H2BC12: variants seen among roughly 807,000 people sequenced by gnomAD.
H2BC12 encodes the protein H2B clustered histone 12.
A neutral mutation model predicts 6.3 loss-of-function variants in H2BC12; 6 were observed. The observed-to-expected ratio is 0.95, with a 90% CI of 0.52 to 1.87. The LOEUF (loss-of-function observed/expected upper bound fraction) is 1.87. Among genes scored for constraint, H2BC12 ranks in the 40% most tolerant of loss-of-function variants. The probability of loss-of-function intolerance (pLI) is 0.01; values close to 1 mark genes in which losing one functional copy is unlikely to be tolerated. For missense variants in H2BC12, 119 were observed against 178.4 expected (o/e 0.67, Z 1.90); for synonymous variants, 132 against 78.5 (o/e 1.68, Z -3.60).
downstream of H2BC12, chr6:27,146,290 C>T: frequency 1.4e-6 from 2 of 1,458,176 alleles, no homozygotes; most frequent in Non-Finnish European, 9.3e-7. Flanking sequence ...TCATGATAAT[C>T]CCTTTAAAAA....
downstream of H2BC12, among the ~76,000 whole-genome samples, chr6:27,145,755 C>G (rs1274585217): frequency 6.6e-6 from 1 of 152,172 alleles, no homozygotes; most frequent in Non-Finnish European, 1.5e-5. Context: ...CAAAAATCTC[C>G]GTGATGATTT....
rs1445151744 is a variant in H2BC12, at chr6:27,146,838, G to GA, written c.-41dup. ...ACGAGCCTGAGACGAGCAGCAGATC[G>GA]AGAAAACGGGAAGTAATGGGAGCAA... On this transcript the variant is annotated 5_prime_UTR_variant, in exon 1 of 1. Transcript: ENST00000356950. 6.2e-7 allele frequency: 1 copy of GA among 1,602,266 alleles called. No individual in the cohort carries two copies. The highest frequency in any genetic ancestry group is 2.2e-5 in the East Asian group (1 of 44,834).
the H2BC12 span, chr6:27,139,408 G>T: frequency 3.1e-6 from 5 of 1,614,246 alleles, no homozygotes; most frequent in South Asian, 3.3e-5. Context: ...CACCAAGCCA[G>T]CCATTCGGCG....
At chr6:27,140,418 C>G in the H2BC12 span, among the ~76,000 whole-genome samples, 1,365 of 152,230 alleles carry the variant, frequency 9.0e-3, 21 homozygotes, top group African/African-American at 0.031. Context: ...TACATTTGCT[C>G]TTGAAATATA....
At chr6:27,145,054 G>A (rs936547639), downstream of H2BC12, among the ~76,000 whole-genome samples, 3 of 151,974 alleles carry the variant, frequency 2.0e-5, no homozygotes, top group African/African-American at 4.8e-5. Flanking sequence ...TCCTATATAG[G>A]TATAGATATA....
the H2BC12 span, chr6:27,139,658 C>T: frequency 3.2e-6 from 5 of 1,568,244 alleles, no homozygotes; most frequent in Non-Finnish European, 4.3e-6. Flanking sequence ...TAAAAAGGCC[C>T]TTTTTAGGGC....
the H2BC12 span, chr6:27,139,784 CTGA>C: frequency 1.2e-5 from 14 of 1,196,202 alleles, 1 homozygote; most frequent in South Asian, 1.7e-5. Context: ...CGAAAATGGG[CTGA>C]TGACTACAGG....
chr6:27,144,776 T>C (rs996647902), downstream of H2BC12, among the ~76,000 whole-genome samples: 7 of 152,174 alleles, frequency 4.6e-5, no homozygotes, highest in African/African-American at 1.4e-4. Flanking sequence ...GTAGAATTCA[T>C]TGGCATAGTG....
In H2BC12 at chr6:27,146,846, G is replaced by A. The variant is rs376174941; in HGVS notation, c.-48C>T. The A allele has an allele frequency of 1.2e-4, 195 of 1,597,004 alleles. 2 individuals are homozygous for A. Among genetic ancestry groups the A allele is most frequent in the Non-Finnish European group, 9.2e-5 (108 of 1,172,368 alleles). ...GAGACGAGCAGCAGATCGAGAAAAC[G>A]GGAAGTAATGGGAGCAAGGTACCAG... is the stretch of plus-strand genomic sequence containing the variant. On this transcript the variant is annotated 5_prime_UTR_variant, in exon 1 of 1. Coordinates refer to ENST00000356950, the MANE Select transcript of H2BC12 (RefSeq NM_001312653.2).
chr6:27,139,901 A>G, the H2BC12 span: 1 of 463,826 alleles, frequency 2.2e-6, no homozygotes, highest in Non-Finnish European at 3.9e-6. Flanking sequence ...CGCTCGGATT[A>G]GTTTAGAAAG....
rs765695435 is a variant in H2BC12 at position 27,146,421 on chromosome 6, C to T, written c.378G>A (p.Lys126=). ...TTAAGACGCTTACTTGGCAAGTTTACTTAGCGCTGGTGTACTTGGTGACGG... is the reference window on the plus strand; with the variant it reads ...TTAAGACGCTTACTTGGCAAGTTTATTTAGCGCTGGTGTACTTGGTGACGG... The part of the protein sequence containing the change: ...TKAVTKYTSA[K] The change falls in exon 1 of 1, where the codon AAG becomes AAA. Residue 126 remains lysine (K), a synonymous_variant. Transcript: ENST00000356950. 40 of 1,614,132 alleles carry T rather than the reference C, an allele frequency of 2.5e-5. 1 individual carries two copies. Among genetic ancestry groups the T allele is most frequent in the Non-Finnish European group, 2.5e-5 (29 of 1,180,056 alleles).
the H2BC12 span, chr6:27,139,835 C>T: frequency 1.4e-6 from 1 of 717,340 alleles, no homozygotes; most frequent in Non-Finnish European, 2.2e-6. Context: ...CCAGAAGAGC[C>T]TCTGCTGGCC....
At chr6:27,145,601 G>A (rs1289993338), downstream of H2BC12, among the ~76,000 whole-genome samples, 2 of 152,076 alleles carry the variant, frequency 1.3e-5, no homozygotes. Flanking sequence ...GCTTCGGGGC[G>A]GACTGTCTCT....
Position 27,146,415 on chromosome 6 carries a change from A to C in H2BC12, c.*3T>G. 1 of 1,614,212 alleles carries C rather than the reference A, an allele frequency of 6.2e-7. No individual in the cohort carries two copies. Among genetic ancestry groups the C allele is most frequent in the Non-Finnish European group, 8.5e-7 (1 of 1,180,030 alleles). ...TGGGCTTTAAGACGCTTACTTGGCA[A>C]GTTTACTTAGCGCTGGTGTACTTGG... On this transcript the variant is annotated 3_prime_UTR_variant, in exon 1 of 1. Coordinates refer to ENST00000356950, the MANE Select transcript of H2BC12 (RefSeq NM_001312653.2).
At chr6:27,144,941 A>G (rs914526479), downstream of H2BC12, among the ~76,000 whole-genome samples, 2 of 152,034 alleles carry the variant, frequency 1.3e-5, no homozygotes, top group South Asian at 4.1e-4. Context: ...CTACGGGCAC[A>G]TGCTACCACG....
chr6:27,146,286 T>A, downstream of H2BC12: 2 of 1,441,460 alleles, frequency 1.4e-6, no homozygotes, highest in Non-Finnish European at 1.9e-6. Context: ...AAGATCATGA[T>A]AATCCCTTTA....
downstream of H2BC12, among the ~76,000 whole-genome samples, chr6:27,142,626 TC>T (rs759580218): frequency 1.5e-4 from 20 of 135,074 alleles, no homozygotes; most frequent in African/African-American, 4.7e-4. Context: ...CGTATTACAT[TC>T]CCCCCCTCCT....
downstream of H2BC12, among the ~76,000 whole-genome samples, chr6:27,141,647 T>C (rs1245625011): frequency 3.9e-5 from 6 of 152,216 alleles, no homozygotes. Context: ...TTAATCCCAA[T>C]TGGAATGAAT....
At chr6:27,145,389 G>C (rs1186382319), downstream of H2BC12, among the ~76,000 whole-genome samples, 1 of 150,494 alleles carries the variant, frequency 6.6e-6, no homozygotes, top group Non-Finnish European at 1.5e-5. Flanking sequence ...ATTTAGCCAG[G>C]TAACAACCTA....
Sources: gnomAD v4.1 joint callset for allele counts (sites outside exome capture counted in the v4.1 genomes callset) on GRCh38, gnomAD v4.1.1 for gene constraint, MANE v1.5 for transcripts, NCBI Gene and HGNC (gene_info 2026-07-23, HGNC 2026-07-21) for gene names.